LARP1B: variants seen among roughly 807,000 people sequenced by gnomAD.
The protein encoded by LARP1B is la-related protein 1B.
LARP1B carries 76 observed loss-of-function variants against 114.2 expected under a neutral mutation model. That is an observed-to-expected ratio of 0.67 (90% CI 0.55 to 0.81). LARP1B has a LOEUF of 0.81. Ranked by LOEUF, LARP1B falls within the 30% of genes least tolerant of loss-of-function variation. The pLI, the probability that LARP1B is intolerant of heterozygous loss-of-function variation, is 0.00. For synonymous variants in LARP1B, 345 were observed against 348.0 expected (o/e 0.99, Z 0.10); for missense variants, 1,014 against 1,075.8 (o/e 0.94, Z 0.80).
At position 128,199,422 on chromosome 4, in the gene LARP1B, TCCCC is replaced by T. The variant is rs1207568189; in HGVS notation, c.2004-16_2004-13del. 2 of 1,473,538 alleles carry T rather than the reference TCCCC, an allele frequency of 1.4e-6. No individual in the cohort carries two copies. 91.3% of individuals were successfully genotyped at this position (1,473,538 alleles called of 1,614,324 possible). On this transcript the variant is annotated splice_polypyrimidine_tract_variant and intron_variant, in intron 15 of 19. Coordinates refer to ENST00000326639, the MANE Select transcript of LARP1B (RefSeq NM_018078.4). ...TGATTTTTCATTTTGAAGGCTTTTTTCCCCTTTCTCAAACAGCACTTCAAATGCT... is the reference window on the plus strand; with the variant it reads ...TGATTTTTCATTTTGAAGGCTTTTTTTTTCTCAAACAGCACTTCAAATGCT...
At chr4:128,185,139 G>C (rs1048459188) in intron 15 of LARP1B, among the ~76,000 whole-genome samples, 2 of 152,154 alleles carry the variant, frequency 1.3e-5, no homozygotes, top group Non-Finnish European at 2.9e-5. Context: ...AATAAACATG[G>C]AAGTGCAGCT....
chr4:128,119,148 G>C (rs979232559), intron 10 of LARP1B, among the ~76,000 whole-genome samples: 2 of 152,120 alleles, frequency 1.3e-5, no homozygotes, highest in African/African-American at 4.8e-5. Context: ...GCCTCCCAAA[G>C]TGCTGGGATT....
At chr4:128,204,979 G>A (rs993066341) in intron 17 of LARP1B, among the ~76,000 whole-genome samples, 8 of 152,130 alleles carry the variant, frequency 5.3e-5, no homozygotes, top group Admixed American at 1.3e-4. Context: ...AACTGATGTC[G>A]GTATATGATC....
chr4:128,062,824 T>A (rs1263591301), intron 1 of LARP1B, among the ~76,000 whole-genome samples: 1 of 150,172 alleles, frequency 6.7e-6, no homozygotes, highest in Non-Finnish European at 1.5e-5. Context: ...AAATGACGAG[T>A]TGATGGGTGC....
chr4:128,182,441 A>G (rs1393715428), intron 15 of LARP1B, among the ~76,000 whole-genome samples: 2 of 152,144 alleles, frequency 1.3e-5, no homozygotes, highest in African/African-American at 4.8e-5. Flanking sequence ...ATCTGTGATT[A>G]GTGATCTTTG....
At chr4:128,065,317 C>CCTT (rs1762235886) in intron 1 of LARP1B, among the ~76,000 whole-genome samples, 3 of 77,124 alleles carry the variant, frequency 3.9e-5, no homozygotes, top group South Asian at 5.0e-4. Flanking sequence ...TTCTTTCTTT[C>CCTT]TCTCTCTCTC....
intron 11 of LARP1B, among the ~76,000 whole-genome samples, chr4:128,133,297 A>G (rs1337533713): frequency 6.6e-6 from 1 of 152,220 alleles, no homozygotes; most frequent in Non-Finnish European, 1.5e-5. Context: ...ATGAAAAACA[A>G]TTGAATTGTA....
At chr4:128,152,228 G>T (rs1376349152) in intron 11 of LARP1B, among the ~76,000 whole-genome samples, 1 of 143,236 alleles carries the variant, frequency 7.0e-6, no homozygotes. Flanking sequence ...TTTTTGAGGT[G>T]GACTCTCGCT....
chr4:128,095,624 G>A (rs755608138), intron 7 of LARP1B, among the ~76,000 whole-genome samples: 4 of 151,904 alleles, frequency 2.6e-5, no homozygotes, highest in Non-Finnish European at 5.9e-5. Flanking sequence ...AGGAAAATTT[G>A]GATATTTACA....
chr4:128,221,011 C>T (rs6534673), intron 7 of LARP1B, among the ~76,000 whole-genome samples: 93,416 of 152,028 alleles, frequency 0.61, 30,511 homozygotes, highest in Middle Eastern at 0.82. Context: ...CCCTGACTTT[C>T]GAACTCAACT....
chr4:128,106,224 A>G (rs1003835692), intron 8 of LARP1B, among the ~76,000 whole-genome samples: 1 of 152,072 alleles, frequency 6.6e-6, no homozygotes, highest in Non-Finnish European at 1.5e-5. Flanking sequence ...AGGTTTCACC[A>G]TATTGGCCAA....
At chr4:128,190,911 C>G (rs1038531504) in intron 15 of LARP1B, among the ~76,000 whole-genome samples, 2 of 152,196 alleles carry the variant, frequency 1.3e-5, no homozygotes, top group African/African-American at 2.4e-5. Context: ...ACTCCTTGCT[C>G]TTAACTCATC....
intron 11 of LARP1B, among the ~76,000 whole-genome samples, chr4:128,151,949 G>C (rs1259161140): frequency 6.6e-6 from 1 of 152,140 alleles, no homozygotes; most frequent in Non-Finnish European, 1.5e-5. Context: ...AATGTGCCTT[G>C]TTTAGTATAT....
chr4:128,078,838 G>A (rs1005332698), intron 4 of LARP1B, among the ~76,000 whole-genome samples: 1 of 152,122 alleles, frequency 6.6e-6, no homozygotes, highest in East Asian at 1.9e-4. Flanking sequence ...AAACTGTTAA[G>A]TTGTCAGTGA....
At chr4:128,120,479 C>T (rs1487777176) in intron 10 of LARP1B, among the ~76,000 whole-genome samples, 7 of 145,484 alleles carry the variant, frequency 4.8e-5, no homozygotes, top group Non-Finnish European at 7.5e-5. Context: ...GATGGGGTCT[C>T]GCTCTGTCAC....
chr4:128,106,137 C>T (rs1423183107), intron 8 of LARP1B, among the ~76,000 whole-genome samples: 2 of 151,874 alleles, frequency 1.3e-5, no homozygotes, highest in East Asian at 2.0e-4. Flanking sequence ...GATTCTCCTG[C>T]CTCTGCCTCC....
intron 11 of LARP1B, among the ~76,000 whole-genome samples, chr4:128,140,988 G>A (rs1007872862): frequency 3.3e-5 from 5 of 152,050 alleles, no homozygotes; most frequent in Admixed American, 2.6e-4. Context: ...GCTAATTTTT[G>A]TATTTTTAGT....
At chr4:128,102,146 A>C (rs2149736171) in intron 8 of LARP1B, among the ~76,000 whole-genome samples, 1 of 152,362 alleles carries the variant, frequency 6.6e-6, no homozygotes, top group Non-Finnish European at 1.5e-5. Flanking sequence ...ATAAGTCTGC[A>C]TTCACTTAAC....
intron 1 of LARP1B, chr4:128,061,918 G>T (rs1015380335): frequency 2.8e-5 from 28 of 985,128 alleles, no homozygotes; most frequent in Non-Finnish European, 2.9e-5. Context: ...GACGCAGCGT[G>T]CCCCAGGCGG....
Sources: allele counts gnomAD v4.1 joint callset (sites outside exome capture counted in the v4.1 genomes callset), GRCh38; gene constraint gnomAD v4.1.1; transcripts MANE v1.5; gene names NCBI Gene and HGNC (gene_info 2026-07-23, HGNC 2026-07-21).